Variants in PDE1C observed in about 807,000 individuals in gnomAD.
The protein encoded by PDE1C is dual specificity calcium/calmodulin-dependent 3',5'-cyclic nucleotide phosphodiesterase 1C.
In PDE1C, 62 loss-of-function variants were observed where a neutral mutation model predicts 93.1. The observed-to-expected ratio is 0.67, with a 90% confidence interval of 0.54 to 0.82. The LOEUF is 0.82. Ranked by LOEUF, PDE1C falls within the 40% of genes least tolerant of loss-of-function variation. The pLI, the probability that PDE1C is intolerant of heterozygous loss-of-function variation, is 0.00. For missense variants in PDE1C, 742 were observed against 884.6 expected (o/e 0.84, Z 2.04); for synonymous variants, 325 against 310.1 (o/e 1.05, Z -0.50).
At chr7:32,047,819 G>A (rs1203701951) in intron 2 of PDE1C, among the ~76,000 whole-genome samples, 2 of 151,948 alleles carry the variant, frequency 1.3e-5, no homozygotes, top group African/African-American at 4.8e-5. Context: ...TTGTATCCTG[G>A]GCTGTCTTCC....
intron 2 of PDE1C, among the ~76,000 whole-genome samples, chr7:31,916,518 A>T (rs911877788): frequency 2.6e-5 from 4 of 152,152 alleles, no homozygotes; most frequent in Non-Finnish European, 5.9e-5. Flanking sequence ...TCTTCATATG[A>T]CACCATTTTC....
chr7:32,088,224 A>T (rs1441103981), intron 3 of PDE1C, among the ~76,000 whole-genome samples: 1 of 152,106 alleles, frequency 6.6e-6, no homozygotes, highest in East Asian at 1.9e-4. Flanking sequence ...AAAAGCTCCT[A>T]AAAAAAGCTG....
intron 3 of PDE1C, among the ~76,000 whole-genome samples, chr7:32,147,288 G>C (rs575972942): frequency 1.3e-4 from 16 of 122,540 alleles, no homozygotes; most frequent in African/African-American, 4.0e-4. Flanking sequence ...AAGAAAGAAA[G>C]AAAGAAAGAA....
chr7:32,251,531 G>A (rs1313572213), intron 1 of PDE1C, among the ~76,000 whole-genome samples: 1 of 152,014 alleles, frequency 6.6e-6, no homozygotes, highest in East Asian at 1.9e-4. Context: ...GATGATCCTA[G>A]TCCCTGTTCC....
chr7:32,145,263 A>G (rs896291073), intron 3 of PDE1C, among the ~76,000 whole-genome samples: 5 of 152,208 alleles, frequency 3.3e-5, no homozygotes, highest in Non-Finnish European at 7.3e-5. Flanking sequence ...AATAAAGACA[A>G]TGGAGATGGA....
chr7:32,317,231 T>C (rs903012653), intron 1 of PDE1C, among the ~76,000 whole-genome samples: 4 of 152,230 alleles, frequency 2.6e-5, no homozygotes, highest in Admixed American at 6.5e-5. Flanking sequence ...ACCTCTCTGG[T>C]AGTTTTCTTT....
chr7:31,950,251 T>G (rs924879394), intron 2 of PDE1C, among the ~76,000 whole-genome samples: 2 of 152,184 alleles, frequency 1.3e-5, no homozygotes, highest in Admixed American at 6.5e-5. Flanking sequence ...ATAAAGAAGA[T>G]GCAAGCTCTA....
intron 2 of PDE1C, among the ~76,000 whole-genome samples, chr7:32,044,057 T>C (rs985086622): frequency 6.6e-6 from 1 of 152,166 alleles, no homozygotes; most frequent in Admixed American, 6.5e-5. Context: ...TCATGCCCAA[T>C]GCTTTTGGGG....
intron 1 of PDE1C, among the ~76,000 whole-genome samples, chr7:32,294,968 T>C (rs757608039): frequency 2.0e-5 from 3 of 152,208 alleles, no homozygotes; most frequent in Admixed American, 1.3e-4. Flanking sequence ...ATGTGTTCAA[T>C]CTTAGTCTTG....
chr7:31,965,233 C>A (rs1247741710), intron 2 of PDE1C, among the ~76,000 whole-genome samples: 1 of 152,070 alleles, frequency 6.6e-6, no homozygotes. Context: ...GAATGGCTAA[C>A]TAGAATAACC....
intron 2 of PDE1C, among the ~76,000 whole-genome samples, chr7:32,012,765 C>G (rs571514828): frequency 6.6e-6 from 1 of 152,200 alleles, no homozygotes; most frequent in Admixed American, 6.5e-5. Context: ...TATATGTAAT[C>G]AATAAAGCTG....
intron 1 of PDE1C, among the ~76,000 whole-genome samples, chr7:32,228,592 C>A (rs1217433775): frequency 6.6e-6 from 1 of 152,198 alleles, no homozygotes; most frequent in African/African-American, 2.4e-5. Flanking sequence ...CAAGAAGCTC[C>A]ATGGCTCCTC....
intron 2 of PDE1C, among the ~76,000 whole-genome samples, chr7:31,920,741 G>A (rs1802518113): frequency 6.6e-6 from 1 of 152,122 alleles, no homozygotes; most frequent in Non-Finnish European, 1.5e-5. Flanking sequence ...GTTGATCACT[G>A]TCCTTGATTA....
chr7:31,833,055 G>T (rs1790625422), intron 11 of PDE1C, among the ~76,000 whole-genome samples: 2 of 152,102 alleles, frequency 1.3e-5, no homozygotes, highest in African/African-American at 4.8e-5. Flanking sequence ...GGAGCCCGTG[G>T]GAGATAATTG....
intron 14 of PDE1C, among the ~76,000 whole-genome samples, chr7:31,819,216 T>G (rs1332948843): frequency 1.3e-5 from 2 of 152,136 alleles, no homozygotes; most frequent in African/African-American, 2.4e-5. Context: ...CTGACATTAG[T>G]GTGATCGACT....
At chr7:31,647,582 G>A in the PDE1C span, among the ~76,000 whole-genome samples, 1 of 145,640 alleles carries the variant, frequency 6.9e-6, no homozygotes, top group African/African-American at 2.5e-5. Context: ...GCTGAGGCAA[G>A]AGAATCACTT....
At chr7:31,831,476 G>GCACACACACACACA (rs3842163) in intron 11 of PDE1C, among the ~76,000 whole-genome samples, 2 of 141,050 alleles carry the variant, frequency 1.4e-5, no homozygotes, top group Middle Eastern at 3.2e-3. Context: ...GGAAGTAAAG[G>GCACACACACACACA]CACACACACA....
At chr7:31,767,096 T>C (rs1245257853) in intron 17 of PDE1C, among the ~76,000 whole-genome samples, 1 of 152,252 alleles carries the variant, frequency 6.6e-6, no homozygotes, top group Non-Finnish European at 1.5e-5. Context: ...GCAATTATTG[T>C]TATTCCTGAT....
At chr7:31,948,102 C>T (rs986946453) in intron 2 of PDE1C, among the ~76,000 whole-genome samples, 2 of 152,180 alleles carry the variant, frequency 1.3e-5, no homozygotes, top group African/African-American at 2.4e-5. Flanking sequence ...CACTGCTAGT[C>T]CTCGATCACA....
Sources: allele counts gnomAD v4.1 joint callset (sites outside exome capture counted in the v4.1 genomes callset), GRCh38; gene constraint gnomAD v4.1.1; transcripts MANE v1.5; gene names NCBI Gene and HGNC (gene_info 2026-07-23, HGNC 2026-07-21).